Variants in TNFRSF11B observed in about 807,000 individuals in gnomAD.
The protein encoded by TNFRSF11B is tumor necrosis factor receptor superfamily member 11B.
TNFRSF11B carries 16 observed loss-of-function variants against 43.4 expected under a neutral mutation model. The observed-to-expected ratio is 0.37, with a 90% CI of 0.25 to 0.56. The LOEUF (loss-of-function observed/expected upper bound fraction) is 0.56, where lower values mean the gene tolerates loss of function less well. Ranked by LOEUF, TNFRSF11B falls within the 20% of genes least tolerant of loss-of-function variation. TNFRSF11B has a pLI of 0.80. For synonymous variants in TNFRSF11B, 185 were observed against 181.8 expected, an observed-to-expected ratio of 1.02 and a Z score of -0.14; for missense variants, 444 against 490.1, an observed-to-expected ratio of 0.91 and a Z score of 0.89.
At chr8:118,930,869 T>A in intron 2 of TNFRSF11B, 1 of 359,948 alleles carries the variant, frequency 2.8e-6, no homozygotes. Flanking sequence ...TAATGTTTCA[T>A]AATATATTCA....
chr8:118,933,999 T>C (rs1422749054), intron 1 of TNFRSF11B, among the ~76,000 whole-genome samples: 1 of 152,094 alleles, frequency 6.6e-6, no homozygotes, highest in African/African-American at 2.4e-5. Context: ...AGTATTGTTT[T>C]AAAAAAGGAG....
Position 118,924,279 on chromosome 8 carries a change from A to G in TNFRSF11B, c.*95T>C. 6.9e-7 allele frequency: 1 copy of G among 1,449,160 alleles called. No homozygotes were observed. The highest frequency in any genetic ancestry group is 9.6e-7 in the Non-Finnish European group (1 of 1,038,716). The allele number at this position is 1,449,160 out of a possible 1,614,324, so 89.8% of individuals were successfully genotyped here. On this transcript the variant is annotated 3_prime_UTR_variant, in exon 5 of 5. Coordinates refer to ENST00000297350, the MANE Select transcript of TNFRSF11B (RefSeq NM_002546.4). ...GCAAAATTAGTCACTGGTAATGAGA[A>G]AGATATCACTGAAAGCCTCAAGTGC...
At chr8:118,932,846 A>T (rs1030137776) in intron 2 of TNFRSF11B, 85 bp downstream of exon 2, 2 of 1,576,832 alleles carry the variant, frequency 1.3e-6, no homozygotes. Context: ...CTATAATGTC[A>T]TCAGAACAAA....
chr8:118,928,648 C>T (rs1279400551), intron 3 of TNFRSF11B, 90 bp downstream of exon 3: 1 of 1,417,374 alleles, frequency 7.1e-7, no homozygotes, highest in Non-Finnish European at 1.0e-6. Context: ...GTAAGTTTGA[C>T]CAAGAATGTG....
chr8:118,933,203 T>C lies in TNFRSF11B; in HGVS notation c.128A>G (p.Lys43Arg), dbSNP rs1812353549. ...TTTTAGGTAGGTACCAGGAGGACATTTGTCACACAACAGCTGATGAGAGGT... is the reference window on the plus strand; with the variant it reads ...TTTTAGGTAGGTACCAGGAGGACATCTGTCACACAACAGCTGATGAGAGGT... Reference protein sequence around the residue: ...EETSHQLLCDKCPPGTYLKQH... With the variant: ...EETSHQLLCDRCPPGTYLKQH... The change falls in exon 2 of 5, where the codon AAA (lysine) becomes AGA (arginine). Residue 43 changes from lysine (K) to arginine (R), a missense_variant. Physicochemically the swap from Lys to Arg is conservative, Grantham distance 26. Coordinates refer to ENST00000297350, the MANE Select transcript of TNFRSF11B (RefSeq NM_002546.4). 1 of 1,614,032 alleles carries C rather than the reference T, an allele frequency of 6.2e-7. No homozygotes were observed. Among genetic ancestry groups the C allele is most frequent in the South Asian group, 1.1e-5 (1 of 91,078 alleles).
chr8:118,940,603 A>T (rs1324655063), intron 1 of TNFRSF11B, among the ~76,000 whole-genome samples: 1 of 152,228 alleles, frequency 6.6e-6, no homozygotes, highest in African/African-American at 2.4e-5. Context: ...CTATCATGAG[A>T]CATTATTACA....
chr8:118,925,078 T>TA, intron 4 of TNFRSF11B, among the ~76,000 whole-genome samples: 1 of 152,268 alleles, frequency 6.6e-6, no homozygotes, highest in African/African-American at 2.4e-5. Context: ...TTTGAGAAAT[T>TA]AAAACCATAA....
chr8:118,936,927 G>A (rs1393295943), intron 1 of TNFRSF11B, among the ~76,000 whole-genome samples: 2 of 152,008 alleles, frequency 1.3e-5, no homozygotes, highest in Non-Finnish European at 2.9e-5. Context: ...CCCATTCCCT[G>A]GCTACCTATC....
chr8:118,951,105 C>T (rs1351575933), intron 1 of TNFRSF11B, among the ~76,000 whole-genome samples: 1 of 152,024 alleles, frequency 6.6e-6, no homozygotes, highest in Non-Finnish European at 1.5e-5. Flanking sequence ...ACATTTTAAA[C>T]ACAATTTTTA....
intron 1 of TNFRSF11B, among the ~76,000 whole-genome samples, chr8:118,940,699 A>G (rs1812473746): frequency 6.6e-6 from 1 of 152,222 alleles, no homozygotes; most frequent in Admixed American, 6.5e-5. Context: ...CTTGTTCTGT[A>G]TGAAGTAAGA....
At chr8:118,937,868 T>G in intron 1 of TNFRSF11B, among the ~76,000 whole-genome samples, 1 of 152,142 alleles carries the variant, frequency 6.6e-6, no homozygotes, top group East Asian at 1.9e-4. Context: ...AGCATGAGAC[T>G]TAGCAAACAC....
intron 1 of TNFRSF11B, among the ~76,000 whole-genome samples, chr8:118,938,516 T>G (rs551884374): frequency 2.0e-5 from 3 of 152,306 alleles, no homozygotes; most frequent in African/African-American, 4.8e-5. Context: ...AAAATGAATT[T>G]TTTGGTCAAA....
intron 1 of TNFRSF11B, among the ~76,000 whole-genome samples, chr8:118,945,695 A>G (rs1812552508): frequency 6.6e-6 from 1 of 152,120 alleles, no homozygotes; most frequent in Non-Finnish European, 1.5e-5. Flanking sequence ...TCATATTTCT[A>G]AGAATAAAAG....
chr8:118,932,372 A>G (rs1032861056), intron 2 of TNFRSF11B, among the ~76,000 whole-genome samples: 2 of 152,198 alleles, frequency 1.3e-5, no homozygotes, highest in African/African-American at 2.4e-5. Context: ...AGATTCTGCT[A>G]TAGTCCTTAC....
chr8:118,948,959 A>G (rs867077264), intron 1 of TNFRSF11B, among the ~76,000 whole-genome samples: 2 of 152,132 alleles, frequency 1.3e-5, no homozygotes, highest in Admixed American at 1.3e-4. Context: ...CCCAACTCCT[A>G]GTATCATAAC....
At chr8:118,925,582 G>A (rs553917118) in intron 4 of TNFRSF11B, among the ~76,000 whole-genome samples, 11 of 152,300 alleles carry the variant, frequency 7.2e-5, no homozygotes, top group Admixed American at 2.6e-4. Flanking sequence ...TCTCAAAGAC[G>A]TTGGTCTCCT....
intron 1 of TNFRSF11B, among the ~76,000 whole-genome samples, chr8:118,946,502 A>T (rs1384601088): frequency 1.3e-5 from 2 of 151,696 alleles, no homozygotes; most frequent in East Asian, 3.9e-4. Context: ...GCCATACCTC[A>T]CTCTTTCTTC....
chr8:118,948,811 TA>T (rs1279875966), intron 1 of TNFRSF11B, among the ~76,000 whole-genome samples: 1 of 150,366 alleles, frequency 6.7e-6, no homozygotes, highest in Non-Finnish European at 1.5e-5. Flanking sequence ...ACTTAACCAC[TA>T]GGGGGAGGGA....
intron 3 of TNFRSF11B, 151 bp from the exon 4 acceptor site, chr8:118,926,869 G>C: frequency 2.4e-6 from 2 of 849,612 alleles, no homozygotes; most frequent in Non-Finnish European, 3.8e-6. Context: ...TCAAGCTTCT[G>C]TTGGCTGGTC....
Sources: allele counts gnomAD v4.1 joint callset (sites outside exome capture counted in the v4.1 genomes callset), GRCh38; gene constraint gnomAD v4.1.1; transcripts MANE v1.5; gene names NCBI Gene and HGNC (gene_info 2026-07-23, HGNC 2026-07-21).